FAM210A: variants seen among roughly 807,000 people sequenced by gnomAD.
The protein encoded by FAM210A is family with sequence similarity 210 member A.
A neutral mutation model predicts 25.3 loss-of-function variants in FAM210A; 13 were observed. The observed-to-expected ratio is 0.51, with a 90% CI of 0.33 to 0.82. The LOEUF (loss-of-function observed/expected upper bound fraction) is 0.82. Among genes scored for constraint, FAM210A ranks in the 40% least tolerant of loss-of-function variants. The probability of loss-of-function intolerance (pLI) is 0.02; values close to 1 mark genes in which losing one functional copy is unlikely to be tolerated. For missense variants in FAM210A, 319 were observed against 323.2 expected (o/e 0.99, Z 0.10); for synonymous variants, 125 against 118.7 (o/e 1.05, Z -0.35).
intron 1 of FAM210A, among the ~76,000 whole-genome samples, chr18:13,703,934 TC>T (rs1416426246): frequency 6.6e-6 from 1 of 152,210 alleles, no homozygotes; most frequent in Non-Finnish European, 1.5e-5. Flanking sequence ...ATAAACCACT[TC>T]TTTGACTTTT....
intron 1 of FAM210A, among the ~76,000 whole-genome samples, chr18:13,687,032 A>T (rs1276654238): frequency 6.6e-6 from 1 of 152,228 alleles, no homozygotes; most frequent in Non-Finnish European, 1.5e-5. Flanking sequence ...AGCAAGTCAA[A>T]TCCAGCAATG....
intron 1 of FAM210A, among the ~76,000 whole-genome samples, chr18:13,703,874 G>A (rs2043759149): frequency 6.6e-6 from 1 of 152,122 alleles, no homozygotes; most frequent in Admixed American, 6.5e-5. Flanking sequence ...AAAAACATTT[G>A]GTCTAAATTG....
intron 1 of FAM210A, among the ~76,000 whole-genome samples, chr18:13,694,530 T>G (rs944153737): frequency 2.6e-5 from 4 of 152,090 alleles, no homozygotes; most frequent in African/African-American, 9.7e-5. Flanking sequence ...TATTGACCAA[T>G]GGAACAGAAT....
chr18:13,681,814 T>G lies in FAM210A; in HGVS notation c.264A>C (p.Gln88His). The G allele has an allele frequency of 6.2e-7, 1 of 1,614,244 alleles. No individual in the cohort carries two copies. The highest frequency in any genetic ancestry group is 1.1e-5 in the South Asian group (1 of 91,088). The change falls in exon 2 of 4, where the codon CAA becomes CAC. Residue 88 changes from glutamine (Q) to histidine (H), a missense_variant. Transcript: ENST00000651643. ...PGVLRHKQGKQHVSFRRVFSS... is the reference protein window; with the variant it reads ...PGVLRHKQGKHHVSFRRVFSS... Reference sequence around the variant, plus strand: ...AAAAAACCCTCCTGAATGAAACATGTTGCTTCCCTTGCTTATGGCGAAGGA... The same window carrying G: ...AAAAAACCCTCCTGAATGAAACATGGTGCTTCCCTTGCTTATGGCGAAGGA...
At chr18:13,721,632 T>C (rs2043898240) in intron 1 of FAM210A, among the ~76,000 whole-genome samples, 1 of 152,110 alleles carries the variant, frequency 6.6e-6, no homozygotes, top group Non-Finnish European at 1.5e-5. Flanking sequence ...GGAACCAGTG[T>C]GGGGATTCTG....
At chr18:13,710,066 C>G (rs1412848854) in intron 1 of FAM210A, among the ~76,000 whole-genome samples, 1 of 152,212 alleles carries the variant, frequency 6.6e-6, no homozygotes, top group Non-Finnish European at 1.5e-5. Flanking sequence ...AATATCCCTC[C>G]CTAAAACTGA....
chr18:13,711,066 G>T (rs538370200), intron 1 of FAM210A, among the ~76,000 whole-genome samples: 2 of 152,172 alleles, frequency 1.3e-5, no homozygotes, highest in Admixed American at 1.3e-4. Flanking sequence ...TGTTACCAGC[G>T]AAGTGTCTTA....
intron 1 of FAM210A, among the ~76,000 whole-genome samples, chr18:13,722,260 C>T (rs998655618): frequency 6.6e-6 from 1 of 151,598 alleles, no homozygotes; most frequent in Admixed American, 6.6e-5. Context: ...GATGGCAACA[C>T]ACCTACTTAC....
chr18:13,672,811 T>G (rs1406396453), intron 2 of FAM210A, among the ~76,000 whole-genome samples: 4 of 152,246 alleles, frequency 2.6e-5, no homozygotes, highest in African/African-American at 9.6e-5. Context: ...ACTATGGGTT[T>G]GATGAAAACT....
chr18:13,690,353 C>T (rs1601952827), intron 1 of FAM210A, among the ~76,000 whole-genome samples: 2 of 152,232 alleles, frequency 1.3e-5, no homozygotes. Context: ...CAAAAGGCAG[C>T]AGAAACTTCT....
In FAM210A at chr18:13,663,586, T is replaced by C. The variant is rs1256147723; in HGVS notation, c.*2894A>G. 1 of 152,118 alleles carries C rather than the reference T, an allele frequency of 6.6e-6. No homozygotes were observed. Among genetic ancestry groups the C allele is most frequent in the African/African-American group, 2.4e-5 (1 of 41,402 alleles). The allele number at this position is 152,118 out of a possible 1,614,324, so 9.4% of individuals were successfully genotyped here. On this transcript the variant is annotated 3_prime_UTR_variant, in exon 4 of 4. Transcript: ENST00000651643. ...ATCAATTTGCTTAGCAAACCCTTTTTGTGCATTTTACACAGGCGAATCTCA... is the reference window on the plus strand; with the variant it reads ...ATCAATTTGCTTAGCAAACCCTTTTCGTGCATTTTACACAGGCGAATCTCA...
chr18:13,689,930 T>C (rs2043628666), intron 1 of FAM210A, among the ~76,000 whole-genome samples: 1 of 152,124 alleles, frequency 6.6e-6, no homozygotes, highest in African/African-American at 2.4e-5. Flanking sequence ...TGTCAGACAG[T>C]GGGTGCAGCC....
In FAM210A at chr18:13,666,165, A is replaced by G. The variant is rs959813580; in HGVS notation, c.*315T>C. ...GGAGTCAGCTGCCTAGTATGTGTCA[A>G]TTACAGCTGCAACAAAACAGAAATC... On this transcript the variant is annotated 3_prime_UTR_variant, in exon 4 of 4. Coordinates refer to ENST00000651643, the MANE Select transcript of FAM210A (RefSeq NM_152352.4). 4.2e-5 allele frequency: 12 copies of G among 288,974 alleles called. No individual in the cohort carries two copies. The highest frequency in any genetic ancestry group is 7.2e-5 in the Non-Finnish European group (11 of 152,696). 17.9% of individuals were successfully genotyped at this position (288,974 alleles called of 1,614,324 possible).
At chr18:13,673,440 T>A (rs1787893) in intron 2 of FAM210A, among the ~76,000 whole-genome samples, 2 of 115,702 alleles carry the variant, frequency 1.7e-5, no homozygotes, top group East Asian at 2.6e-4. Flanking sequence ...TCCAGTTTCC[T>A]GATTATTAAC....
intron 2 of FAM210A, among the ~76,000 whole-genome samples, chr18:13,680,236 CTT>C (rs1369681465): frequency 2.0e-5 from 3 of 152,170 alleles, no homozygotes; most frequent in African/African-American, 7.2e-5. Context: ...AAAATGGTAA[CTT>C]TATTTTCTGT....
Position 13,681,760 on chromosome 18 carries a change from C to A in FAM210A, c.318G>T (p.Pro106=), listed in dbSNP as rs147538636. 1 of 1,613,656 alleles carries A rather than the reference C, an allele frequency of 6.2e-7. No homozygotes were observed. The highest frequency in any genetic ancestry group is 1.1e-5 in the South Asian group (1 of 91,050). ...AAGGATCAGGCTCTTCCTTTTTTTC[C>A]GGAGTTCCCTGAGCTGTGGCACTGG... ...FSSSATAQGT[P]EKKEEPDPLQ... The change falls in exon 2 of 4, where the codon CCG becomes CCT. Residue 106 remains proline (P), a synonymous_variant. Transcript: ENST00000651643.
At chr18:13,720,585 C>A (rs1020253418) in intron 1 of FAM210A, among the ~76,000 whole-genome samples, 1 of 152,290 alleles carries the variant, frequency 6.6e-6, no homozygotes, top group East Asian at 1.9e-4. Context: ...AAATGTCATA[C>A]CAGTAAGTCT....
At chr18:13,720,540 T>G (rs1033210204) in intron 1 of FAM210A, among the ~76,000 whole-genome samples, 4 of 152,168 alleles carry the variant, frequency 2.6e-5, no homozygotes, top group Non-Finnish European at 4.4e-5. Context: ...GGAAGGCCCC[T>G]GAATATTTGT....
chr18:13,722,709 G>A (rs2043906710), intron 1 of FAM210A, among the ~76,000 whole-genome samples: 1 of 152,182 alleles, frequency 6.6e-6, no homozygotes, highest in Non-Finnish European at 1.5e-5. Flanking sequence ...ATAAGACTCT[G>A]GATTTGGTTT....
Sources: allele counts gnomAD v4.1 joint callset (sites outside exome capture counted in the v4.1 genomes callset), GRCh38; gene constraint gnomAD v4.1.1; transcripts MANE v1.5; gene names NCBI Gene and HGNC (gene_info 2026-07-23, HGNC 2026-07-21).